The following BEST3 variants were observed in gnomAD, a reference collection of about 807,000 sequenced individuals.
BEST3 encodes bestrophin-3.
In BEST3, 50 loss-of-function variants were observed where a neutral mutation model predicts 47.1. That is an observed-to-expected ratio of 1.06 (90% CI 0.85 to 1.34). The LOEUF (loss-of-function observed/expected upper bound fraction) is 1.34. BEST3 is among the 40% of genes most tolerant of loss of function. BEST3 has a pLI of 0.00. For synonymous variants in BEST3, 282 were observed against 298.8 expected (o/e 0.94, Z 0.58); for missense variants, 765 against 817.0 (o/e 0.94, Z 0.78).
rs771872240 is a variant in BEST3, at chr12:69,654,906, C to T, written c.*1G>A. ...AACCAGGTCCTAGAACTTGGTGGCA[C>T]TCATTTGGGTGATTCCTCAGTTTCC... On this transcript the variant is annotated 3_prime_UTR_variant, in exon 10 of 10. Coordinates refer to ENST00000330891, the MANE Select transcript of BEST3 (RefSeq NM_032735.3). 1.9e-6 allele frequency: 3 copies of T among 1,605,384 alleles called. No homozygotes were observed. Among genetic ancestry groups the T allele is most frequent in the Admixed American group, 1.7e-5 (1 of 59,318 alleles).
chr12:69,657,335 A>G (rs1883565335), intron 9 of BEST3, among the ~76,000 whole-genome samples: 2 of 152,096 alleles, frequency 1.3e-5, no homozygotes, highest in Admixed American at 6.6e-5. Context: ...ACCTCAAATA[A>G]TCTGCCCACC....
chr12:69,672,593 T>C (rs750641653), intron 8 of BEST3, among the ~76,000 whole-genome samples: 9 of 152,144 alleles, frequency 5.9e-5, no homozygotes, highest in Admixed American at 1.3e-4. Flanking sequence ...AAAGAACAAT[T>C]TAAAATACTG....
intron 7 of BEST3, among the ~76,000 whole-genome samples, chr12:69,673,725 T>A (rs532482801): frequency 6.6e-6 from 1 of 152,262 alleles, no homozygotes; most frequent in Non-Finnish European, 1.5e-5. Context: ...ATTACAGGTG[T>A]GAGCCACTGT....
rs1883292443 is a variant in BEST3 at position 69,653,749 on chromosome 12, A to T, written c.*1158T>A. 3 of 985,382 alleles carry T rather than the reference A, an allele frequency of 3.0e-6. No homozygotes were observed. The highest frequency in any genetic ancestry group is 3.6e-6 in the Non-Finnish European group (3 of 829,948). The allele number at this position is 985,382 out of a possible 1,614,324, so 61.0% of individuals were successfully genotyped here. A position where few individuals can be genotyped will look rare whatever the true frequency, so the allele number is the denominator to read the frequency against. On this transcript the variant is annotated 3_prime_UTR_variant, in exon 10 of 10. Transcript: ENST00000330891. ...ACAGCTGTCCTGAGAGCTCCCTGGG[A>T]GGAGTACCAACATCCGATCCCCATT...
chr12:69,682,030 C>T (rs566308507), intron 4 of BEST3, among the ~76,000 whole-genome samples: 96 of 129,794 alleles, frequency 7.4e-4, no homozygotes, highest in Admixed American at 3.4e-3. Context: ...TGCAGTGAGC[C>T]GAGATTGTGC....
chr12:69,658,559 A>G (rs1422755748), intron 9 of BEST3, among the ~76,000 whole-genome samples: 2 of 152,240 alleles, frequency 1.3e-5, no homozygotes, highest in African/African-American at 4.8e-5. Context: ...AAATTTATTG[A>G]GCACTTATCA....
At chr12:69,656,509 G>A (rs1217202634) in intron 9 of BEST3, among the ~76,000 whole-genome samples, 1 of 151,968 alleles carries the variant, frequency 6.6e-6, no homozygotes, top group East Asian at 1.9e-4. Context: ...ATTCACGAGC[G>A]TGCGATGCCC....
chr12:69,678,892 A>G lies in BEST3; in HGVS notation c.483T>C (p.Gly161=), dbSNP rs778702602. 3.1e-6 allele frequency: 5 copies of G among 1,612,026 alleles called. No homozygotes were observed. The highest frequency in any genetic ancestry group is 1.7e-5 in the Admixed American group (1 of 59,758). The change falls in exon 5 of 10, where the codon GGT becomes GGC. Residue 161 remains glycine, a splice_region_variant and synonymous_variant. Transcript: ENST00000330891. ...ATTTCCTTTCATCTGTTGTCATAAA[A>G]CCTTTACAAAAAAATAAAAATCGGT... The part of the protein sequence containing the change: ...FPTMDHVVEA[G]FMTTDERKLF...
At chr12:69,686,451 C>G (rs1283881163) in intron 4 of BEST3, among the ~76,000 whole-genome samples, 1 of 151,814 alleles carries the variant, frequency 6.6e-6, no homozygotes, top group African/African-American at 2.4e-5. Context: ...AAAACAGCCT[C>G]AAGAAAACAG....
chr12:69,663,020 A>G (rs550656638), intron 9 of BEST3, among the ~76,000 whole-genome samples: 15 of 152,274 alleles, frequency 9.9e-5, no homozygotes, highest in African/African-American at 3.6e-4. Context: ...GGGTTTTTCC[A>G]AGGCCCTTAA....
intron 7 of BEST3, 129 bp from the exon 8 acceptor site, chr12:69,673,094 A>T (rs956088814): frequency 1.5e-6 from 1 of 664,292 alleles, no homozygotes; most frequent in Non-Finnish European, 2.6e-6. Context: ...AGAGGGGAGT[A>T]GATTGTTCTA....
At position 69,677,231 on chromosome 12, in the gene BEST3, G is replaced by A; in HGVS notation, c.663C>T (p.Cys221=). 6.2e-7 allele frequency: 1 copy of A among 1,613,312 alleles called. No individual in the cohort carries two copies. Among genetic ancestry groups the A allele is most frequent in the Non-Finnish European group, 8.5e-7 (1 of 1,179,596 alleles). The part of the protein sequence containing the change: ...MTEMNRYRSW[C]SLLFGYDWVG... ...CCCAGTCATAACCGAATAAGAGGCT[G>A]CACCAAGAGCGGTATCGATTCATTT... The change falls in exon 6 of 10, where the codon TGC becomes TGT. Residue 221 remains cysteine, a synonymous_variant. Coordinates refer to ENST00000330891, the MANE Select transcript of BEST3 (RefSeq NM_032735.3).
Position 69,655,536 on chromosome 12 carries a change from G to A in BEST3, c.1378C>T (p.Pro460Ser). The A allele has an allele frequency of 6.2e-7, 1 of 1,614,004 alleles. No homozygotes were observed. The highest frequency in any genetic ancestry group is 8.5e-7 in the Non-Finnish European group (1 of 1,179,952). ...TCTCCCATGCTGAAGTGCAGCGTGG[G>A]GCTTCCTTCTGGGAAGCAGGATTTC... ...WKKSCFPEGS[P>S]TLHFSMGELS... is the part of the protein sequence containing the mutation. Residue 460 changes from proline (P) to serine (S), a missense_variant, in exon 10 of 10, where the codon CCC becomes TCC. Pro to Ser is a moderately conservative substitution (Grantham distance 74). Transcript: ENST00000330891.
chr12:69,692,399 T>C (rs935338240), intron 4 of BEST3, among the ~76,000 whole-genome samples: 2 of 152,222 alleles, frequency 1.3e-5, no homozygotes, highest in African/African-American at 4.8e-5. Context: ...TAACAGCTTC[T>C]TTGCTAAATA....
At position 69,672,934 on chromosome 12, in the gene BEST3, T is replaced by C; in HGVS notation, c.899A>G (p.Glu300Gly). ...GTTAGTTTCAAAATCATCATCATCT[T>C]CTCCAAAAGGGTTGATAAGCTGCTC... The part of the protein sequence containing the change: ...VAEQLINPFG[E>G]DDDDFETNWC... The change falls in exon 8 of 10, where the codon GAA (glutamate) becomes GGA (glycine). Residue 300 changes from glutamate (E) to glycine (G), a missense_variant. Coordinates refer to ENST00000330891, the MANE Select transcript of BEST3 (RefSeq NM_032735.3). The C allele has an allele frequency of 6.2e-7, 1 of 1,613,630 alleles. No homozygotes were observed. Among genetic ancestry groups the C allele is most frequent in the South Asian group, 1.1e-5 (1 of 90,916 alleles).
intron 7 of BEST3, among the ~76,000 whole-genome samples, chr12:69,676,095 G>T (rs1421076823): frequency 1.3e-5 from 2 of 152,160 alleles, no homozygotes; most frequent in East Asian, 1.9e-4. Context: ...GGAGGTGGTG[G>T]TGAAGGGAGG....
rs774690380 is a variant in BEST3, at chr12:69,693,755, G to C, written c.400C>G (p.Leu134Val). ...LRRTLMRYVN[L>V]TSLLIFRSVS... ...GAGCGAAAGATGAGCAGGGAGGTGA[G>C]ATTGACGTAGCGCATCAGCGTCCTT... Residue 134 changes from leucine to valine, a missense_variant, in exon 4 of 10, where the codon CTC (leucine) becomes GTC (valine). Transcript: ENST00000330891. 6.2e-7 allele frequency: 1 copy of C among 1,614,194 alleles called. No individual in the cohort carries two copies. The highest frequency in any genetic ancestry group is 8.5e-7 in the Non-Finnish European group (1 of 1,180,040).
Position 69,671,342 on chromosome 12 carries a change from A to C in BEST3, c.1100+86T>G, listed in dbSNP as rs1449080630. 3.3e-6 allele frequency: 4 copies of C among 1,194,558 alleles called. No individual in the cohort carries two copies. The African/African-American group carries it at 9.6e-5, about 29-fold the overall frequency. The allele number at this position is 1,194,558 out of a possible 1,614,324, so 74.0% of individuals were successfully genotyped here. A position where few individuals can be genotyped will look rare whatever the true frequency, so the allele number is the denominator to read the frequency against. On this transcript the variant is annotated intron_variant, in intron 9 of 9. Transcript: ENST00000330891. The stretch of plus-strand genomic sequence containing the variant: ...ACAGTTGGCTACTTTAAATTATTTT[A>C]TTTCTTTTTTTTTTTTTATAGAGAC...
Position 69,675,125 on chromosome 12 carries a change from A to T in BEST3, c.867+1791T>A, listed in dbSNP as rs73135877. On this transcript the variant is annotated intron_variant, in intron 7 of 9. Transcript: ENST00000330891. Reference sequence around the variant, plus strand: ...TTTAATATTTTGTCTTTTAAGATTTATTTTTTTTATTTTAGACAGGGTCTT... The same window carrying T: ...TTTAATATTTTGTCTTTTAAGATTTTTTTTTTTTATTTTAGACAGGGTCTT... Among the ~76,000 whole-genome samples the T allele has an allele frequency of 2.9e-3, 430 of 149,606 alleles. 3 individuals carry two copies. Among genetic ancestry groups the T allele is most frequent in the Non-Finnish European group, 4.2e-3 (284 of 67,376 alleles).
Sources: gnomAD v4.1 joint callset for allele counts (sites outside exome capture counted in the v4.1 genomes callset) on GRCh38, gnomAD v4.1.1 for gene constraint, MANE v1.5 for transcripts, NCBI Gene and HGNC (gene_info 2026-07-23, HGNC 2026-07-21) for gene names.